The following PCDH9 variants were observed in gnomAD, a reference collection of about 807,000 sequenced individuals.
The protein encoded by PCDH9 is protocadherin 9, also known as protocadherin-9.
Under a neutral mutation model 70.6 loss-of-function variants are expected in PCDH9, and 24 were observed. The observed-to-expected ratio is 0.34, with a 90% CI of 0.25 to 0.48. PCDH9 has a LOEUF of 0.48. PCDH9 is among the 20% of genes least tolerant of loss of function. The pLI, the probability that PCDH9 is intolerant of heterozygous loss-of-function variation, is 0.99. For missense variants in PCDH9, 1,281 were observed against 1,503.6 expected, an observed-to-expected ratio of 0.85 and a Z score of 2.45; for synonymous variants, 562 against 558.5, an observed-to-expected ratio of 1.01 and a Z score of -0.09.
At chr13:66,864,731 T>C (rs1454745584) in intron 3 of PCDH9, among the ~76,000 whole-genome samples, 1 of 152,226 alleles carries the variant, frequency 6.6e-6, no homozygotes, top group African/African-American at 2.4e-5. Flanking sequence ...GTGGCTGGAC[T>C]GCACTGCTTG....
intron 4 of PCDH9, among the ~76,000 whole-genome samples, chr13:66,480,044 G>A (rs1566358269): frequency 6.6e-6 from 1 of 152,138 alleles, no homozygotes; most frequent in Non-Finnish European, 1.5e-5. Context: ...TCGCCACGAA[G>A]GTCCACAGCT....
chr13:66,381,757 A>T lies in PCDH9; in HGVS notation c.3341-76729T>A, dbSNP rs183903645. 2.6e-3 allele frequency among the ~76,000 whole-genome samples: 391 copies of T among 152,320 alleles called. 7 individuals carry two copies. The highest frequency in any genetic ancestry group is 1.6e-3 in the Non-Finnish European group (111 of 68,012). On this transcript the variant is annotated intron_variant, in intron 4 of 4. Transcript: ENST00000377865. Reference sequence around the variant, plus strand: ...CTCCTGATTCTTTCATTTCTCCTTGAAAAGAATTTCAAACTGTATAGACTT... The same window carrying T: ...CTCCTGATTCTTTCATTTCTCCTTGTAAAGAATTTCAAACTGTATAGACTT...
intron 4 of PCDH9, among the ~76,000 whole-genome samples, chr13:66,443,523 A>G (rs1174620167): frequency 1.3e-5 from 2 of 152,282 alleles, no homozygotes; most frequent in Middle Eastern, 6.8e-3. Flanking sequence ...GCTCATAATT[A>G]ATAGTGACAA....
chr13:67,181,771 AC>A (rs535873999), intron 2 of PCDH9, among the ~76,000 whole-genome samples: 226 of 152,322 alleles, frequency 1.5e-3, no homozygotes, highest in African/African-American at 5.3e-3. Context: ...ATAAAAAAAA[AC>A]ACCACTACAA....
chr13:66,394,924 T>C (rs1957077068), intron 4 of PCDH9, among the ~76,000 whole-genome samples: 1 of 152,212 alleles, frequency 6.6e-6, no homozygotes, highest in Admixed American at 6.5e-5. Context: ...GTGATGTATA[T>C]TAATGATAAG....
chr13:66,424,722 AGGT>A (rs1957638532), intron 4 of PCDH9, among the ~76,000 whole-genome samples: 1 of 151,984 alleles, frequency 6.6e-6, no homozygotes. Flanking sequence ...CAGAAGAAAA[AGGT>A]GAAGAAACAA....
intron 2 of PCDH9, among the ~76,000 whole-genome samples, chr13:66,937,257 C>T (rs2082931714): frequency 6.6e-6 from 1 of 152,168 alleles, no homozygotes. Context: ...TAGGTAACAA[C>T]TTTCAGTCTC....
At chr13:66,943,587 A>T (rs1466868768) in intron 2 of PCDH9, among the ~76,000 whole-genome samples, 1 of 152,116 alleles carries the variant, frequency 6.6e-6, no homozygotes, top group Non-Finnish European at 1.5e-5. Flanking sequence ...CTACATTTTG[A>T]AAACCCCTTT....
At chr13:66,709,308 T>C (rs2078760622) in intron 3 of PCDH9, among the ~76,000 whole-genome samples, 1 of 152,226 alleles carries the variant, frequency 6.6e-6, no homozygotes, top group Non-Finnish European at 1.5e-5. Flanking sequence ...TACATTGCTA[T>C]TTTAAAATAT....
In PCDH9 at chr13:67,013,622, C is replaced by G. The variant is rs144787268; in HGVS notation, c.3037-110017G>C. ...AAACTCATGCTTCATGACCACATAACCTATTATTTGTACATAGACTGAGCC... is the reference window on the plus strand; with the variant it reads ...AAACTCATGCTTCATGACCACATAAGCTATTATTTGTACATAGACTGAGCC... On this transcript the variant is annotated intron_variant, in intron 2 of 4. Coordinates refer to ENST00000377865, the MANE Select transcript of PCDH9 (RefSeq NM_203487.3). Among the ~76,000 whole-genome samples, 554 of 151,844 alleles carry G rather than the reference C, an allele frequency of 3.6e-3. 2 individuals carry two copies. Among genetic ancestry groups the G allele is most frequent in the African/African-American group, 0.013 (541 of 41,440 alleles).
intron 4 of PCDH9, among the ~76,000 whole-genome samples, chr13:66,466,258 T>A (rs1398203258): frequency 6.6e-6 from 1 of 151,408 alleles, no homozygotes; most frequent in African/African-American, 2.4e-5. Flanking sequence ...GTTAGAAATA[T>A]CTTTTACTGT....
chr13:67,055,529 G>A (rs981454397), intron 2 of PCDH9, among the ~76,000 whole-genome samples: 7 of 152,014 alleles, frequency 4.6e-5, no homozygotes, highest in South Asian at 2.1e-4. Flanking sequence ...TAAGACAAAC[G>A]GGCTGTGTGC....
chr13:66,837,701 A>C (rs2081044975), intron 3 of PCDH9, among the ~76,000 whole-genome samples: 1 of 152,220 alleles, frequency 6.6e-6, no homozygotes, highest in African/African-American at 2.4e-5. Context: ...GAAAAAGTGC[A>C]AAATATTTCA....
chr13:66,540,476 C>CT (rs1196211578), intron 4 of PCDH9, among the ~76,000 whole-genome samples: 2 of 152,010 alleles, frequency 1.3e-5, no homozygotes, highest in African/African-American at 4.8e-5. Context: ...TATTATTAAG[C>CT]TTTTTTTACA....
intron 2 of PCDH9, among the ~76,000 whole-genome samples, chr13:67,191,267 A>G (rs549007943): frequency 1.6e-4 from 24 of 152,288 alleles, no homozygotes; most frequent in Admixed American, 9.8e-4. Context: ...CTGTGTCTCA[A>G]CATAAATTCT....
intron 3 of PCDH9, among the ~76,000 whole-genome samples, chr13:66,840,948 C>T (rs1566232406): frequency 6.6e-6 from 1 of 152,168 alleles, no homozygotes; most frequent in African/African-American, 2.4e-5. Context: ...AAATATACCC[C>T]TGGATGCTCT....
At chr13:67,076,452 G>A (rs990964998) in intron 2 of PCDH9, among the ~76,000 whole-genome samples, 1 of 152,154 alleles carries the variant, frequency 6.6e-6, no homozygotes, top group Non-Finnish European at 1.5e-5. Flanking sequence ...GGGCTACTCA[G>A]CTAAAGAGAA....
chr13:67,030,813 T>A (rs1379673717), intron 2 of PCDH9, among the ~76,000 whole-genome samples: 1 of 152,178 alleles, frequency 6.6e-6, no homozygotes, highest in Non-Finnish European at 1.5e-5. Context: ...AAATTTTTCA[T>A]TTTTGACTAT....
At chr13:67,225,315 G>C (rs762823210) in intron 2 of PCDH9, 90 bp downstream of exon 2, 1 of 1,422,934 alleles carries the variant, frequency 7.0e-7, no homozygotes, top group Admixed American at 1.8e-5. Context: ...GCTAAAGTTA[G>C]ACCAAAACAA....
Sources: allele counts gnomAD v4.1 joint callset (sites outside exome capture counted in the v4.1 genomes callset), GRCh38; gene constraint gnomAD v4.1.1; transcripts MANE v1.5; gene names NCBI Gene and HGNC (gene_info 2026-07-23, HGNC 2026-07-21).